The following RAB26 variants were observed in gnomAD, a reference collection of about 807,000 sequenced individuals.
RAB26 encodes the protein ras-related protein Rab-26.
In RAB26, 39 loss-of-function variants were observed where a neutral mutation model predicts 33.1. The observed-to-expected ratio is 1.18, with a 90% CI of 0.91 to 1.54. The LOEUF (loss-of-function observed/expected upper bound fraction) is 1.54, where lower values mean the gene tolerates loss of function less well. Among genes scored for constraint, RAB26 ranks in the 40% most tolerant of loss-of-function variants. The pLI is 0.00. For missense variants in RAB26, 468 were observed against 362.9 expected, an observed-to-expected ratio of 1.29 and a Z score of -2.35; for synonymous variants, 192 against 151.9, an observed-to-expected ratio of 1.26 and a Z score of -1.94.
chr16:2,153,031 G>A lies in RAB26; in HGVS notation c.577G>A (p.Glu193Lys). 9 of 1,604,086 alleles carry A rather than the reference G, an allele frequency of 5.6e-6. No individual in the cohort carries two copies. Among genetic ancestry groups the A allele is most frequent in the Non-Finnish European group, 7.7e-6 (9 of 1,173,060 alleles). Residue 193 changes from glutamate (E) to lysine (K), a missense_variant, in exon 7 of 9, where the codon GAG becomes AAG. Transcript: ENST00000210187. Reference protein sequence around the residue: ...HERVVKREDGEKLAKEYGLPF... With the variant: ...HERVVKREDGKKLAKEYGLPF... ...GCGTGTGGTGAAGAGGGAGGACGGGGAGAAGCTGGCCAAGGTGAGTCAGGG... is the reference window on the plus strand; with the variant it reads ...GCGTGTGGTGAAGAGGGAGGACGGGAAGAAGCTGGCCAAGGTGAGTCAGGG...
In RAB26 at chr16:2,148,827, C is replaced by T. The variant is rs1464011964; in HGVS notation, c.44C>T (p.Pro15Leu). The change falls in exon 1 of 9, where the codon CCC becomes CTC. Residue 15 changes from proline to leucine, a missense_variant. Transcript: ENST00000210187. The stretch of plus-strand genomic sequence containing the variant: ...CCCAAGAGCAAAGGGGCCAGCACCC[C>T]CGCTGCCTCCACGCTGCCCACCGCC... Reference protein sequence around the residue: ...KTPKSKGASTPAASTLPTANG... With the variant: ...KTPKSKGASTLAASTLPTANG... 3.5e-6 allele frequency: 5 copies of T among 1,416,442 alleles called. No individual in the cohort carries two copies. The highest frequency in any genetic ancestry group is 3.7e-6 in the Non-Finnish European group (4 of 1,086,256). The allele number at this position is 1,416,442 out of a possible 1,614,324, so 87.7% of individuals were successfully genotyped here.
At chr16:2,152,166 T>C (rs1330291911) in intron 5 of RAB26, among the ~76,000 whole-genome samples, 2 of 152,196 alleles carry the variant, frequency 1.3e-5, no homozygotes, top group Non-Finnish European at 2.9e-5. Flanking sequence ...TAAAGACAGG[T>C]ATCCTGGCCA....
rs1308063209 is a variant in RAB26 at position 2,153,042 on chromosome 16, C to T, written c.588C>T (p.Ala196=). The T allele has an allele frequency of 1.2e-6, 2 of 1,606,280 alleles. No individual in the cohort carries two copies. The highest frequency in any genetic ancestry group is 2.2e-5 in the South Asian group (2 of 90,772). The part of the protein sequence containing the change: ...VVKREDGEKL[A]KEYGLPFMET... ...AGAGGGAGGACGGGGAGAAGCTGGC[C>T]AAGGTGAGTCAGGGCAGGGGGGTGG... The change falls in exon 7 of 9, where the codon GCC becomes GCT. Residue 196 remains alanine (A), a synonymous_variant. Transcript: ENST00000210187.
intron 5 of RAB26, 32 bp downstream of exon 5, chr16:2,151,940 CCT>C (rs1462830669): frequency 1.9e-6 from 3 of 1,612,814 alleles, no homozygotes; most frequent in Non-Finnish European, 2.5e-6. Flanking sequence ...GTGAAAGGGC[CCT>C]GATAGGGCCT....
At position 2,151,840 on chromosome 16, in the gene RAB26, T is replaced by TGCC; in HGVS notation, c.416-15_416-13dup. 1 of 1,614,088 alleles carries TGCC rather than the reference T, an allele frequency of 6.2e-7. No individual in the cohort carries two copies. The highest frequency in any genetic ancestry group is 1.3e-5 in the African/African-American group (1 of 75,066). The stretch of plus-strand genomic sequence containing the variant: ...TGCAGGTGATGGTGGATGTCCTCAC[T>TGCC]GCCCTCTGTCCCCAGCTCTGCTGCT... On this transcript the variant is annotated splice_polypyrimidine_tract_variant and intron_variant, in intron 4 of 8. Transcript: ENST00000210187.
At chr16:2,150,726 T>C (rs1029369353) in intron 2 of RAB26, among the ~76,000 whole-genome samples, 1 of 151,694 alleles carries the variant, frequency 6.6e-6, no homozygotes, top group Admixed American at 6.6e-5. Context: ...CCCACCTCCC[T>C]CTTGGCTCTC....
At chr16:2,151,274 T>C (rs1596657286) in intron 2 of RAB26, 2 of 574,592 alleles carry the variant, frequency 3.5e-6, no homozygotes, top group Admixed American at 5.1e-5. Context: ...AGCTCGTTAG[T>C]TACTGCACCC....
Position 2,151,781 on chromosome 16 carries a change from G to T in RAB26, c.415+20G>T. ...CTCATGGTGAGCCCCTGGGTACCTG[G>T]GCTGGTTGGGGCGGGGGTCTGAGCA... On this transcript the variant is annotated intron_variant, in intron 4 of 8. Transcript: ENST00000210187. 6.2e-7 allele frequency: 1 copy of T among 1,613,914 alleles called. No homozygotes were observed. The highest frequency in any genetic ancestry group is 8.5e-7 in the Non-Finnish European group (1 of 1,180,006).
rs1349097299 is a variant in RAB26, at chr16:2,153,725, G to A, written c.*304G>A. On this transcript the variant is annotated 3_prime_UTR_variant, in exon 9 of 9. Coordinates refer to ENST00000210187, the MANE Select transcript of RAB26 (RefSeq NM_014353.5). ...CCCCCTCCTGGGCACGTCCAGGTGA[G>A]GGAGGGCTGGGGCTGGCACCACGCA... 3 of 572,902 alleles carry A rather than the reference G, an allele frequency of 5.2e-6. No homozygotes were observed. The highest frequency in any genetic ancestry group is 4.4e-5 in the Admixed American group (2 of 45,932). 35.5% of individuals were successfully genotyped at this position (572,902 alleles called of 1,614,324 possible).
chr16:2,150,675 T>A (rs1237901134), intron 2 of RAB26, among the ~76,000 whole-genome samples: 1 of 152,160 alleles, frequency 6.6e-6, no homozygotes, highest in African/African-American at 2.4e-5. Flanking sequence ...ACGACTGAAG[T>A]GCCCGAGGGG....
Position 2,149,988 on chromosome 16 carries a change from G to A in RAB26, c.243G>A (p.Val81=). The change falls in exon 2 of 9, where the codon GTG becomes GTA. Residue 81 remains valine, a synonymous_variant. Coordinates refer to ENST00000210187, the MANE Select transcript of RAB26 (RefSeq NM_014353.5). ...DSGVGKTCLL[V]RFKDGAFLAG... ...GTGTGGGGAAGACCTGTCTGCTGGT[G>A]CGATTCAAGGATGGTGCTTTCCTGG... 1 of 1,544,284 alleles carries A rather than the reference G, an allele frequency of 6.5e-7. No individual in the cohort carries two copies. The highest frequency in any genetic ancestry group is 1.4e-5 in the African/African-American group (1 of 72,744).
intron 2 of RAB26, 86 bp downstream of exon 2, chr16:2,150,137 A>G: frequency 8.0e-7 from 1 of 1,245,508 alleles, no homozygotes; most frequent in East Asian, 2.9e-5. Flanking sequence ...TGGTACCAAC[A>G]GGCTCGAGGC....
chr16:2,149,389 T>A (rs781200042), intron 1 of RAB26, among the ~76,000 whole-genome samples: 2 of 148,820 alleles, frequency 1.3e-5, no homozygotes, highest in African/African-American at 2.5e-5. Context: ...AGGCAGAGGC[T>A]GTGTGGACTT....
At position 2,151,685 on chromosome 16, in the gene RAB26, G is replaced by T; in HGVS notation, c.349-10G>T. 6.2e-7 allele frequency: 1 copy of T among 1,613,990 alleles called. No individual in the cohort carries two copies. Among genetic ancestry groups the T allele is most frequent in the South Asian group, 1.1e-5 (1 of 91,090 alleles). On this transcript the variant is annotated splice_polypyrimidine_tract_variant and intron_variant, in intron 3 of 8. Coordinates refer to ENST00000210187, the MANE Select transcript of RAB26 (RefSeq NM_014353.5). ...GGGCTGGACAGCCTGACCAGTGCCT[G>T]TCGCTGCAGATGTGGGACACAGCTG...
Position 2,148,710 on chromosome 16 carries a change from C to A in RAB26, c.-74C>A. ...GGGAAGGGTTCGGGTCCGGGTCGGG[C>A]TCGGCGGGCGCGGGGTGCGGGACGG... On this transcript the variant is annotated 5_prime_UTR_variant, in exon 1 of 9. Coordinates refer to ENST00000210187, the MANE Select transcript of RAB26 (RefSeq NM_014353.5). 1.7e-6 allele frequency: 2 copies of A among 1,190,180 alleles called. No homozygotes were observed. Among genetic ancestry groups the A allele is most frequent in the Non-Finnish European group, 2.1e-6 (2 of 956,484 alleles). 73.7% of individuals were successfully genotyped at this position (1,190,180 alleles called of 1,614,324 possible).
chr16:2,152,041 G>C, intron 5 of RAB26, 133 bp downstream of exon 5: 1 of 1,290,906 alleles, frequency 7.7e-7, no homozygotes, highest in African/African-American at 1.5e-5. Context: ...AGCCTTCTGG[G>C]CTGGAGGTGG....
intron 1 of RAB26, 128 bp downstream of exon 1, chr16:2,149,106 C>A: frequency 1.0e-6 from 1 of 978,836 alleles, no homozygotes; most frequent in Non-Finnish European, 1.3e-6. Flanking sequence ...GGAGGAACCC[C>A]GTGGGGCTTG....
At position 2,148,683 on chromosome 16, in the gene RAB26, A is replaced by T; in HGVS notation, c.-101A>T. ...CGCCGCCGCCGCCGCCGCCGCCGCC[A>T]GGGGAAGGGTTCGGGTCCGGGTCGG... On this transcript the variant is annotated 5_prime_UTR_variant, in exon 1 of 9. Coordinates refer to ENST00000210187, the MANE Select transcript of RAB26 (RefSeq NM_014353.5). 6 of 779,628 alleles carry T rather than the reference A, an allele frequency of 7.7e-6. No individual in the cohort carries two copies. Among genetic ancestry groups the T allele is most frequent in the Non-Finnish European group, 9.9e-6 (6 of 607,292 alleles). 48.3% of individuals were successfully genotyped at this position (779,628 alleles called of 1,614,324 possible). A position where few individuals can be genotyped will look rare whatever the true frequency, so the allele number is the denominator to read the frequency against.
chr16:2,148,746 G>C lies in RAB26; in HGVS notation c.-38G>C. 7.9e-7 allele frequency: 1 copy of C among 1,268,506 alleles called. No individual in the cohort carries two copies. Among genetic ancestry groups the C allele is most frequent in the Non-Finnish European group, 9.9e-7 (1 of 1,011,002 alleles). The allele number at this position is 1,268,506 out of a possible 1,614,324, so 78.6% of individuals were successfully genotyped here. ...CGGGGTGCGGGACGGCCCAGGGCACGGCGGCTGCAGCGGGAGCACACTGAG... is the reference window on the plus strand; with the variant it reads ...CGGGGTGCGGGACGGCCCAGGGCACCGCGGCTGCAGCGGGAGCACACTGAG... On this transcript the variant is annotated 5_prime_UTR_variant, in exon 1 of 9. Coordinates refer to ENST00000210187, the MANE Select transcript of RAB26 (RefSeq NM_014353.5).
Sources: allele counts gnomAD v4.1 joint callset (sites outside exome capture counted in the v4.1 genomes callset), GRCh38; gene constraint gnomAD v4.1.1; transcripts MANE v1.5; gene names NCBI Gene and HGNC (gene_info 2026-07-23, HGNC 2026-07-21).